Variants in DBI observed in about 807,000 individuals in gnomAD.
DBI encodes the protein diazepam binding inhibitor, acyl-CoA binding protein, also known as acyl-CoA-binding protein.
A neutral mutation model predicts 13.0 loss-of-function variants in DBI; 12 were observed. The ratio of observed to expected loss-of-function variants is 0.92; its 90% CI spans 0.59 to 1.49. The LOEUF (loss-of-function observed/expected upper bound fraction) is 1.49. DBI is among the 40% of genes most tolerant of loss of function. DBI has a pLI of 0.00. For missense variants in DBI, 95 were observed against 104.8 expected, an observed-to-expected ratio of 0.91 and a Z score of 0.41; for synonymous variants, 37 against 37.4, an observed-to-expected ratio of 0.99 and a Z score of 0.04.
chr2:119,370,996 G>C (rs1681477531), intron 3 of DBI, among the ~76,000 whole-genome samples, 194 bp downstream of exon 3: 1 of 152,186 alleles, frequency 6.6e-6, no homozygotes, highest in Non-Finnish European at 1.5e-5. Context: ...TTTTCTAAAA[G>C]CACCATCTCT....
At chr2:119,369,343 A>C (rs143452651) in intron 2 of DBI, among the ~76,000 whole-genome samples, 1 of 152,186 alleles carries the variant, frequency 6.6e-6, no homozygotes, top group Non-Finnish European at 1.5e-5. Flanking sequence ...GTCTAGATAG[A>C]CTGGCATAGG....
intron 3 of DBI, among the ~76,000 whole-genome samples, chr2:119,371,697 A>G (rs763152673): frequency 6.6e-6 from 1 of 152,228 alleles, no homozygotes; most frequent in East Asian, 1.9e-4. Context: ...GCAAGAAGAC[A>G]AAGATTTGTC....
intron 1 of DBI, chr2:119,367,539 G>GT: frequency 6.2e-7 from 1 of 1,608,674 alleles, no homozygotes; most frequent in Non-Finnish European, 8.5e-7. Flanking sequence ...GTGACCCAGG[G>GT]GCCCCTCCCT....
rs1681253580 is a variant in DBI at position 119,368,457 on chromosome 2, G to A, written c.127+152G>A. ...TGGTTCCTGAGGTGGAAAAGACCAT[G>A]TTCCGGATTCTCAGTGTCTCCAGTA... On this transcript the variant is annotated intron_variant, in intron 2 of 3. Transcript: ENST00000355857. 1.1e-5 allele frequency: 7 copies of A among 650,964 alleles called. No individual in the cohort carries two copies. The East Asian group carries it at 1.8e-4, about 17-fold the overall frequency. The allele number at this position is 650,964 out of a possible 1,614,324, so 40.3% of individuals were successfully genotyped here.
In DBI at chr2:119,372,374, G is replaced by GC; in HGVS notation, c.*56_*57insC. On this transcript the variant is annotated 3_prime_UTR_variant, in exon 4 of 4. Transcript: ENST00000355857. ...TTATCCTAAACTGAGACAATGCCTT[G>GC]TTTTTTTCTAATACCGTGGATGGTG... 7.4e-7 allele frequency: 1 copy of GC among 1,360,368 alleles called. No homozygotes were observed. 84.3% of individuals were successfully genotyped at this position (1,360,368 alleles called of 1,614,324 possible). A position where few individuals can be genotyped will look rare whatever the true frequency, so the allele number is the denominator to read the frequency against.
intron 1 of DBI, 24 bp from the exon 2 acceptor site, chr2:119,368,164 T>C: frequency 1.3e-6 from 2 of 1,591,698 alleles, no homozygotes; most frequent in Non-Finnish European, 1.7e-6. Flanking sequence ...AGGCCCTCAA[T>C]CCTCTCCTCT....
rs971198045 is a variant in DBI at position 119,372,453 on chromosome 2, G to A, written c.*135G>A. ...AGCTACTCAAGGCTGCTCACCATACGGCTCTAACAGATTAGGGGCTAAAAC... is the reference window on the plus strand; with the variant it reads ...AGCTACTCAAGGCTGCTCACCATACAGCTCTAACAGATTAGGGGCTAAAAC... On this transcript the variant is annotated 3_prime_UTR_variant, in exon 4 of 4. Coordinates refer to ENST00000355857, the MANE Select transcript of DBI (RefSeq NM_001079862.4). The A allele has an allele frequency of 1.1e-5, 7 of 619,876 alleles. No homozygotes were observed. The highest frequency in any genetic ancestry group is 2.7e-5 in the Admixed American group (1 of 36,396). The allele number at this position is 619,876 out of a possible 1,614,324, so 38.4% of individuals were successfully genotyped here.
At position 119,367,018 on chromosome 2, in the gene DBI, G is replaced by C. The variant is rs916027120; in HGVS notation, c.-34G>C. ...TCGCTTCCTGGTCCTCGCCTCCTCC[G>C]CTGTCTCCCTGGAGTTCTTGCAAGT... On this transcript the variant is annotated 5_prime_UTR_variant, in exon 1 of 4. Coordinates refer to ENST00000355857, the MANE Select transcript of DBI (RefSeq NM_001079862.4). 3 of 1,613,856 alleles carry C rather than the reference G, an allele frequency of 1.9e-6. No homozygotes were observed. Among genetic ancestry groups the C allele is most frequent in the African/African-American group, 1.3e-5 (1 of 75,072 alleles).
At chr2:119,370,999 C>G (rs1266598954) in intron 3 of DBI, among the ~76,000 whole-genome samples, 197 bp downstream of exon 3, 1 of 152,178 alleles carries the variant, frequency 6.6e-6, no homozygotes. Context: ...TCTAAAAGCA[C>G]CATCTCTGAG....
At chr2:119,367,477 C>G (rs3731608) in intron 1 of DBI, 308,411 of 1,591,620 alleles carry the variant, frequency 0.19, 30,739 homozygotes, top group East Asian at 0.24. Context: ...AGGGGAAGTA[C>G]GGGGCCGGCT....
In DBI at chr2:119,370,730, C is replaced by T. The variant is rs936624344; in HGVS notation, c.128-10C>T. On this transcript the variant is annotated splice_polypyrimidine_tract_variant and intron_variant, in intron 2 of 3. Coordinates refer to ENST00000355857, the MANE Select transcript of DBI (RefSeq NM_001079862.4). Reference sequence around the variant, plus strand: ...AACCAGATCTAATGCCTTTTCTTCCCTTGTTTAAGAACGGCCCGGGATGTT... The same window carrying T: ...AACCAGATCTAATGCCTTTTCTTCCTTTGTTTAAGAACGGCCCGGGATGTT... 1.9e-6 allele frequency: 3 copies of T among 1,613,096 alleles called. No individual in the cohort carries two copies. Among genetic ancestry groups the T allele is most frequent in the African/African-American group, 2.7e-5 (2 of 74,884 alleles).
intron 1 of DBI, chr2:119,367,547 C>G (rs1487817147): frequency 6.2e-7 from 1 of 1,611,238 alleles, no homozygotes; most frequent in Non-Finnish European, 8.5e-7. Context: ...GGGGCCCCTC[C>G]CTTCTCTCCA....
chr2:119,368,603 A>G (rs2104686193), intron 2 of DBI: 1 of 326,884 alleles, frequency 3.1e-6, no homozygotes, highest in African/African-American at 2.1e-5. Flanking sequence ...CTCTCAGCTC[A>G]GTAGTATCAT....
chr2:119,369,492 T>C (rs926634275), intron 2 of DBI, among the ~76,000 whole-genome samples: 1 of 152,174 alleles, frequency 6.6e-6, no homozygotes, highest in South Asian at 2.1e-4. Context: ...TATGACTATA[T>C]AAATTTTAAC....
chr2:119,371,206 G>A (rs1294231651), intron 3 of DBI, among the ~76,000 whole-genome samples: 1 of 152,170 alleles, frequency 6.6e-6, no homozygotes, highest in South Asian at 2.1e-4. Flanking sequence ...TAGCCAGAAG[G>A]ATACATAAAA....
rs1250315384 is a variant in DBI, at chr2:119,371,274, C to T, written c.190+472C>T. ...GGCATCGTAGGCTCAGTGAATGGAGCCATTATATGCTAAGCACCAGCAGCC... is the reference window on the plus strand; with the variant it reads ...GGCATCGTAGGCTCAGTGAATGGAGTCATTATATGCTAAGCACCAGCAGCC... On this transcript the variant is annotated intron_variant, in intron 3 of 3. Coordinates refer to ENST00000355857, the MANE Select transcript of DBI (RefSeq NM_001079862.4). Among the ~76,000 whole-genome samples, 9 of 152,284 alleles carry T rather than the reference C, an allele frequency of 5.9e-5. No homozygotes were observed. The East Asian group carries it at 1.3e-3, about 23-fold the overall frequency.
At chr2:119,370,893 AG>A in intron 3 of DBI, 91 bp downstream of exon 3, 2 of 1,240,670 alleles carry the variant, frequency 1.6e-6, no homozygotes, top group Non-Finnish European at 2.3e-6. Flanking sequence ...GAGAAAACAA[AG>A]TCAATGGGGC....
At chr2:119,369,797 AT>A (rs1288846171) in intron 2 of DBI, among the ~76,000 whole-genome samples, 2 of 152,162 alleles carry the variant, frequency 1.3e-5, no homozygotes, top group African/African-American at 2.4e-5. Context: ...AAAAAAAAAA[AT>A]TTTAACTGAA....
At chr2:119,370,680 T>A in intron 2 of DBI, 60 bp from the exon 3 acceptor site, 3 of 1,493,548 alleles carry the variant, frequency 2.0e-6, no homozygotes, top group Non-Finnish European at 2.8e-6. Context: ...GCAAGAAGGT[T>A]GATCAAGTTC....
Sources: allele counts gnomAD v4.1 joint callset (sites outside exome capture counted in the v4.1 genomes callset), GRCh38; gene constraint gnomAD v4.1.1; transcripts MANE v1.5; gene names NCBI Gene and HGNC (gene_info 2026-07-23, HGNC 2026-07-21).